THSD4: variants seen among roughly 807,000 people sequenced by gnomAD.
THSD4 encodes thrombospondin type 1 domain containing 4.
Under a neutral mutation model 119.0 loss-of-function variants are expected in THSD4, and 69 were observed. The observed-to-expected ratio is 0.58, with a 90% CI of 0.48 to 0.71. The LOEUF (loss-of-function observed/expected upper bound fraction) is 0.71. Among genes scored for constraint, THSD4 ranks in the 30% least tolerant of loss-of-function variants. The probability of loss-of-function intolerance (pLI) is 0.00; values close to 1 mark genes in which losing one functional copy is unlikely to be tolerated. For synonymous variants in THSD4, 524 were observed against 540.4 expected (o/e 0.97, Z 0.42); for missense variants, 1,393 against 1,391.1 (o/e 1.00, Z -0.02).
intron 8 of THSD4, among the ~76,000 whole-genome samples, chr15:71,667,121 T>C (rs1279941346): frequency 6.6e-6 from 1 of 152,242 alleles, no homozygotes; most frequent in Admixed American, 6.5e-5. Flanking sequence ...GTTTACATGC[T>C]CCAAAATATA....
chr15:71,671,786 A>G (rs1159615197), intron 8 of THSD4, among the ~76,000 whole-genome samples: 1 of 152,208 alleles, frequency 6.6e-6, no homozygotes, highest in Non-Finnish European at 1.5e-5. Flanking sequence ...CAGAGATCAG[A>G]TGGTTGTAGA....
intron 7 of THSD4, among the ~76,000 whole-genome samples, chr15:71,546,188 G>C (rs1369703175): frequency 6.6e-6 from 1 of 152,096 alleles, no homozygotes. Flanking sequence ...CACACATGAA[G>C]AGTTTGAAGT....
intron 7 of THSD4, among the ~76,000 whole-genome samples, chr15:71,535,657 G>C (rs2048679995): frequency 6.6e-6 from 1 of 152,106 alleles, no homozygotes; most frequent in South Asian, 2.1e-4. Context: ...TTGATTAGTG[G>C]TTTTGATTTG....
intron 6 of THSD4, among the ~76,000 whole-genome samples, chr15:71,345,858 T>C (rs955643718): frequency 6.6e-6 from 1 of 152,098 alleles, no homozygotes; most frequent in African/African-American, 2.4e-5. Flanking sequence ...GTTAAAGCCC[T>C]GTACGAAGAG....
rs894482671 is a variant in THSD4 at position 71,184,464 on chromosome 15, C to T, written c.99+29532C>T. The stretch of plus-strand genomic sequence containing the variant: ...AGATGGTTAACTTTGATGGAATGCT[C>T]ACCATGTCCCAGACCCTGGGCTAAG... On this transcript the variant is annotated intron_variant, in intron 3 of 17. Transcript: ENST00000261862. 5.3e-5 allele frequency among the ~76,000 whole-genome samples: 8 copies of T among 151,796 alleles called. 1 individual carries two copies. Among genetic ancestry groups the T allele is most frequent in the Non-Finnish European group, 1.0e-4 (7 of 67,882 alleles).
intron 6 of THSD4, among the ~76,000 whole-genome samples, chr15:71,365,329 C>T (rs1336272919): frequency 2.6e-5 from 4 of 152,080 alleles, no homozygotes; most frequent in Admixed American, 2.6e-4. Context: ...AGTCTCTACC[C>T]TTCCTGTCAC....
intron 3 of THSD4, among the ~76,000 whole-genome samples, chr15:71,197,418 C>T (rs1409877708): frequency 6.6e-5 from 10 of 152,190 alleles, no homozygotes; most frequent in Non-Finnish European, 1.5e-5. Context: ...TGTGGCTTTT[C>T]AGTACTAAAA....
intron 6 of THSD4, among the ~76,000 whole-genome samples, chr15:71,289,333 G>A (rs926140102): frequency 3.9e-5 from 6 of 152,200 alleles, no homozygotes; most frequent in African/African-American, 1.4e-4. Flanking sequence ...TGAACGGACT[G>A]TCCTGATGCT....
In THSD4 at chr15:71,426,397, G is replaced by T. The variant is rs4260006; in HGVS notation, c.1152+14574G>T. On this transcript the variant is annotated intron_variant, in intron 7 of 17. Transcript: ENST00000261862. ...TGTGTGTGTGTGTGTGTGTGTGTGT[G>T]TGTGTGTGTTCAGGTGCTGAATGTC... Among the ~76,000 whole-genome samples, 1,085 of 124,580 alleles carry T rather than the reference G, an allele frequency of 8.7e-3. 18 individuals are homozygous for T. Among genetic ancestry groups the T allele is most frequent in the African/African-American group, 0.024 (893 of 37,252 alleles). The allele number at this position is 124,580 out of a possible 152,430, so 81.7% of individuals were successfully genotyped here.
intron 7 of THSD4, among the ~76,000 whole-genome samples, chr15:71,592,163 C>T (rs1035284517): frequency 2.0e-5 from 3 of 152,194 alleles, no homozygotes; most frequent in African/African-American, 7.2e-5. Context: ...GAGAAAAGTA[C>T]ACACATTTCT....
chr15:71,739,801 G>T (rs56078315), intron 11 of THSD4, among the ~76,000 whole-genome samples: 401 of 142,212 alleles, frequency 2.8e-3, no homozygotes, highest in African/African-American at 9.7e-3. Flanking sequence ...GTTTGGGGTG[G>T]TTTTTTTTTT....
intron 7 of THSD4, among the ~76,000 whole-genome samples, chr15:71,629,710 G>A (rs544039245): frequency 1.2e-4 from 19 of 152,202 alleles, no homozygotes; most frequent in Non-Finnish European, 2.5e-4. Flanking sequence ...CTACATTGTT[G>A]CCTCAGCCTC....
chr15:71,347,079 G>A (rs2045673345), intron 6 of THSD4, among the ~76,000 whole-genome samples: 1 of 151,844 alleles, frequency 6.6e-6, no homozygotes. Context: ...TCACCATGCT[G>A]GCCAGGCTGG....
chr15:71,748,225 G>T (rs1018090775), intron 13 of THSD4, among the ~76,000 whole-genome samples, 196 bp from the exon 14 acceptor site: 2 of 152,130 alleles, frequency 1.3e-5, no homozygotes, highest in Non-Finnish European at 2.9e-5. Flanking sequence ...TTTACAGTAG[G>T]CGAGGCATCT....
At chr15:71,724,089 A>T (rs1228595768) in intron 8 of THSD4, among the ~76,000 whole-genome samples, 1 of 136,328 alleles carries the variant, frequency 7.3e-6, no homozygotes, top group Admixed American at 7.6e-5. Flanking sequence ...AAAAAAAAAA[A>T]TGAATAGAAC....
Position 71,758,060 on chromosome 15 carries a change from C to T in THSD4, c.2574C>T (p.Ala858=), listed in dbSNP as rs200392122. Residue 858 remains alanine (A), a synonymous_variant, in exon 15 of 18, where the codon GCC becomes GCT. Coordinates refer to ENST00000261862, the MANE Select transcript of THSD4 (RefSeq NM_024817.3). ...GCACGGGCAAGGTGGAGTGGTTTGC[C>T]GGGAGCTGGAGTCAGGTGAGTGGCC... ...GPCTGKVEWF[A]GSWSQCSIEC... The T allele has an allele frequency of 5.3e-5, 84 of 1,586,070 alleles. No homozygotes were observed. The highest frequency in any genetic ancestry group is 5.0e-4 in the Middle Eastern group (3 of 6,018).
At chr15:71,759,182 T>A (rs13329355) in intron 15 of THSD4, among the ~76,000 whole-genome samples, 3,904 of 152,324 alleles carry the variant, frequency 0.026, 148 homozygotes, top group African/African-American at 0.09. Flanking sequence ...GCCACTTCAA[T>A]GTAGAGTTTT....
At chr15:71,147,446 A>G (rs594280) in intron 2 of THSD4, among the ~76,000 whole-genome samples, 43,785 of 152,008 alleles carry the variant, frequency 0.29, 9,912 homozygotes, top group African/African-American at 0.63. Flanking sequence ...CTGGACAGCA[A>G]CACGTTCTTT....
intron 7 of THSD4, among the ~76,000 whole-genome samples, chr15:71,633,368 T>A (rs7172587): frequency 6.7e-6 from 1 of 149,122 alleles, no homozygotes; most frequent in Admixed American, 6.7e-5. Context: ...CTCGACCTAC[T>A]GGGTTCAAGC....
Sources: gnomAD v4.1 joint callset for allele counts (sites outside exome capture counted in the v4.1 genomes callset) on GRCh38, gnomAD v4.1.1 for gene constraint, MANE v1.5 for transcripts, NCBI Gene and HGNC (gene_info 2026-07-23, HGNC 2026-07-21) for gene names.